Variants in C10orf143 observed in about 807,000 individuals in gnomAD.
C10orf143 encodes the protein uncharacterized protein C10orf143.
In C10orf143 at chr10:130,066,165, T is replaced by C. The variant is rs569784780; in HGVS notation, c.298-1782A>G. 3.5e-4 allele frequency: 53 copies of C among 151,752 alleles called. 1 individual carries two copies. Among genetic ancestry groups the C allele is most frequent in the Non-Finnish European group, 5.9e-4 (40 of 68,326 alleles). The allele number at this position is 151,752 out of a possible 1,614,324, so 9.4% of individuals were successfully genotyped here. A position where few individuals can be genotyped will look rare whatever the true frequency, so the allele number is the denominator to read the frequency against. Reference sequence around the variant, plus strand: ...GTGGGGACAAAGAGCCACATCAATTTGAGGACTGAGACCTGGATTTTTTTT... The same window carrying C: ...GTGGGGACAAAGAGCCACATCAATTCGAGGACTGAGACCTGGATTTTTTTT... On this transcript the variant is annotated intron_variant, in intron 3 of 3. Transcript: ENST00000637128.
chr10:130,060,626 A>T (rs145740678), downstream of C10orf143, among the ~76,000 whole-genome samples: 22,519 of 149,988 alleles, frequency 0.15, 2,274 homozygotes, highest in Non-Finnish European at 0.21. Flanking sequence ...GATCGAGACC[A>T]TCCTGGCTAA....
chr10:130,046,612 G>C (rs1240490732), intron 3 of C10orf143, among the ~76,000 whole-genome samples: 1 of 152,202 alleles, frequency 6.6e-6, no homozygotes, highest in East Asian at 1.9e-4. Context: ...ATCAAATGGT[G>C]GTGGTCTCTC....
downstream of C10orf143, among the ~76,000 whole-genome samples, chr10:130,062,941 C>T (rs1481417975): frequency 1.3e-5 from 2 of 152,048 alleles, no homozygotes; most frequent in Non-Finnish European, 2.9e-5. Flanking sequence ...TGAGGAGTCA[C>T]ACTGTGGGCT....
At chr10:130,099,682 C>T (rs1419114690) in intron 1 of C10orf143, among the ~76,000 whole-genome samples, 1 of 151,296 alleles carries the variant, frequency 6.6e-6, no homozygotes, top group African/African-American at 2.4e-5. Context: ...GGACTACAGC[C>T]GTGTGACACC....
At chr10:130,097,214 A>G (rs1038095244) in intron 1 of C10orf143, among the ~76,000 whole-genome samples, 1 of 152,120 alleles carries the variant, frequency 6.6e-6, no homozygotes, top group Non-Finnish European at 1.5e-5. Flanking sequence ...CCCAATGAAG[A>G]TATATGAAAG....
At chr10:130,054,111 G>A (rs114203316) in intron 3 of C10orf143, among the ~76,000 whole-genome samples, 4,035 of 152,206 alleles carry the variant, frequency 0.027, 157 homozygotes, top group African/African-American at 0.092. Flanking sequence ...AGTGTTGTTC[G>A]CAGATCTCGG....
At chr10:130,037,063 A>G (rs1434269545) in intron 3 of C10orf143, among the ~76,000 whole-genome samples, 1 of 152,158 alleles carries the variant, frequency 6.6e-6, no homozygotes, top group Admixed American at 6.5e-5. Flanking sequence ...TGGTACAAGC[A>G]GAATTGGACT....
chr10:130,099,953 G>A (rs1401124575), intron 1 of C10orf143, among the ~76,000 whole-genome samples: 2 of 148,878 alleles, frequency 1.3e-5, no homozygotes, highest in East Asian at 2.0e-4. Context: ...TTCTCCCACC[G>A]CAGGCTCTTG....
intron 3 of C10orf143, among the ~76,000 whole-genome samples, chr10:130,073,292 T>C (rs1055982298): frequency 1.3e-5 from 2 of 152,206 alleles, no homozygotes; most frequent in African/African-American, 4.8e-5. Context: ...GGCTTCTACT[T>C]TTGGTTCCTG....
At chr10:130,069,616 A>T (rs1001425315) in intron 3 of C10orf143, among the ~76,000 whole-genome samples, 5 of 151,360 alleles carry the variant, frequency 3.3e-5, no homozygotes, top group South Asian at 2.1e-4. Context: ...TTTCTGGAAA[A>T]TTTTTTTTTT....
intron 3 of C10orf143, among the ~76,000 whole-genome samples, chr10:130,043,712 G>A (rs1427670623): frequency 6.6e-6 from 1 of 152,226 alleles, no homozygotes; most frequent in Non-Finnish European, 1.5e-5. Flanking sequence ...TCCCCGAGGG[G>A]TGTGGTCTTC....
At chr10:130,069,510 A>G (rs1178591501) in intron 3 of C10orf143, among the ~76,000 whole-genome samples, 1 of 152,176 alleles carries the variant, frequency 6.6e-6, no homozygotes, top group African/African-American at 2.4e-5. Flanking sequence ...CTTCTAATTG[A>G]CTGTTACCAG....
chr10:130,098,955 G>T (rs1861504212), intron 1 of C10orf143, among the ~76,000 whole-genome samples: 1 of 151,888 alleles, frequency 6.6e-6, no homozygotes, highest in Admixed American at 6.6e-5. Flanking sequence ...GCGTAGTAGT[G>T]CACGCCTGTA....
In C10orf143 at chr10:130,056,740, C is replaced by T. The variant is rs1317139867; in HGVS notation, c.298-20770G>A. On this transcript the variant is annotated intron_variant and NMD_transcript_variant, in intron 3 of 5. Transcript: ENST00000643056. This position sits in a 1 kb window ranked among gnomAD's most constrained non-coding sequence, Gnocchi z 4.6. ...CTGAGTAGCTGGGATTACAGGCACC[C>T]ACCACCGCACCTGGCTAATTTTTTG... 6.6e-6 allele frequency among the ~76,000 whole-genome samples: 1 copy of T among 151,786 alleles called. No homozygotes were observed. Among genetic ancestry groups the T allele is most frequent in the Admixed American group, 6.6e-5 (1 of 15,252 alleles).
At chr10:130,086,076 C>T (rs1300828382) in intron 1 of C10orf143, among the ~76,000 whole-genome samples, 3 of 152,156 alleles carry the variant, frequency 2.0e-5, no homozygotes, top group Non-Finnish European at 4.4e-5. Flanking sequence ...TCTAAATTGC[C>T]AATATCCCGC....
At chr10:130,059,014 C>T (rs1453880138), downstream of C10orf143, among the ~76,000 whole-genome samples, 1 of 152,046 alleles carries the variant, frequency 6.6e-6, no homozygotes, top group East Asian at 1.9e-4. Flanking sequence ...AGAAACTACA[C>T]CATGTATGAT....
At chr10:130,107,923 T>C (rs567092161) in intron 1 of C10orf143, 250 of 1,383,208 alleles carry the variant, frequency 1.8e-4, no homozygotes, top group South Asian at 4.2e-4. Context: ...ACAGATTTTA[T>C]TCTAACTCTG....
intron 3 of C10orf143, among the ~76,000 whole-genome samples, 162 bp downstream of exon 3, chr10:130,079,404 C>T (rs539497543): frequency 3.9e-5 from 6 of 152,224 alleles, no homozygotes; most frequent in East Asian, 1.9e-4. Context: ...GTTTGTACAC[C>T]GATAGAATGC....
intron 1 of C10orf143, among the ~76,000 whole-genome samples, chr10:130,083,138 T>C (rs1861234786): frequency 6.6e-6 from 1 of 152,046 alleles, no homozygotes; most frequent in African/African-American, 2.4e-5. Flanking sequence ...ATAAACAATT[T>C]AAAAAAGCTA....
Sources: allele counts gnomAD v4.1 joint callset (sites outside exome capture counted in the v4.1 genomes callset), GRCh38; gene constraint gnomAD v4.1.1; non-coding constraint Gnocchi (gnomAD v3.1); transcripts MANE v1.5; gene names NCBI Gene and HGNC (gene_info 2026-07-23, HGNC 2026-07-21).